Variants in ABI2 observed in about 807,000 individuals in gnomAD.
ABI2 encodes abelson interactor 2.
Under a neutral mutation model 59.2 loss-of-function variants are expected in ABI2, and 25 were observed. The observed-to-expected ratio is 0.42, with a 90% confidence interval of 0.31 to 0.59. The LOEUF is 0.59. Ranked by LOEUF, ABI2 falls within the 20% of genes least tolerant of loss-of-function variation. The pLI is 0.14. For synonymous variants in ABI2, 213 were observed against 235.5 expected (o/e 0.90, Z 0.87); for missense variants, 545 against 681.8 (o/e 0.80, Z 2.23).
At chr2:203,426,361 A>C (rs570035724) in intron 11 of ABI2, among the ~76,000 whole-genome samples, 2 of 152,334 alleles carry the variant, frequency 1.3e-5, no homozygotes, top group African/African-American at 4.8e-5. Flanking sequence ...CAGTATAACT[A>C]AACTGTTGAA....
chr2:203,395,549 T>C, intron 6 of ABI2, 107 bp from the exon 7 acceptor site: 1 of 1,281,808 alleles, frequency 7.8e-7, no homozygotes. Context: ...GGTACGCTTT[T>C]GAATTACCTT....
At chr2:203,400,254 A>AT (rs1364816504) in intron 8 of ABI2, among the ~76,000 whole-genome samples, 9 of 151,608 alleles carry the variant, frequency 5.9e-5, no homozygotes, top group African/African-American at 2.2e-4. Flanking sequence ...CACCCAGCTA[A>AT]TTTTTTGTAT....
intron 9 of ABI2, among the ~76,000 whole-genome samples, chr2:203,406,165 TTAAATG>T (rs1457762313): frequency 1.3e-5 from 2 of 152,188 alleles, no homozygotes; most frequent in South Asian, 2.1e-4. Flanking sequence ...AGTCTCTACT[TTAAATG>T]TAAATATGAA....
At chr2:203,341,454 C>T (rs910947556) in intron 1 of ABI2, among the ~76,000 whole-genome samples, 7 of 152,186 alleles carry the variant, frequency 4.6e-5, no homozygotes, top group African/African-American at 1.7e-4. Flanking sequence ...GTGGCTCACT[C>T]CTATAATCCT....
rs1156536730 is a variant in ABI2, at chr2:203,408,833, C to CTTTT, written c.1193-2439_1193-2436dup. 1.5e-4 allele frequency among the ~76,000 whole-genome samples: 13 copies of CTTTT among 87,214 alleles called. 3 individuals carry two copies. Among genetic ancestry groups the CTTTT allele is most frequent in the Middle Eastern group, 0.014 (1 of 74 alleles). 57.2% of individuals were successfully genotyped at this position (87,214 alleles called of 152,430 possible). On this transcript the variant is annotated intron_variant, in intron 9 of 11. Transcript: ENST00000261018. ...TTTTGTCTATGCTACCTTCTCCTTT[C>CTTTT]TTTTTTTTTTTTTTTTGAGACGGAG...
At chr2:203,391,486 T>A (rs374929024) in intron 5 of ABI2, among the ~76,000 whole-genome samples, 1 of 152,282 alleles carries the variant, frequency 6.6e-6, no homozygotes, top group East Asian at 1.9e-4. Context: ...TTTTAAGCTG[T>A]GTAGATTATA....
chr2:203,398,394 C>A (rs2097092660), intron 8 of ABI2, among the ~76,000 whole-genome samples: 1 of 152,162 alleles, frequency 6.6e-6, no homozygotes, highest in South Asian at 2.1e-4. Context: ...TAACAGGTGC[C>A]TGGCTCAGTG....
chr2:203,412,019 G>A (rs2097697009), intron 10 of ABI2, among the ~76,000 whole-genome samples: 1 of 152,122 alleles, frequency 6.6e-6, no homozygotes, highest in Admixed American at 6.5e-5. Context: ...CTTCTTATGG[G>A]CAGTCTTTGC....
intron 11 of ABI2, among the ~76,000 whole-genome samples, chr2:203,425,892 G>A (rs1438901837): frequency 6.6e-6 from 1 of 151,744 alleles, no homozygotes; most frequent in Non-Finnish European, 1.5e-5. Flanking sequence ...CGTGGTGGTG[G>A]GCGCCTGTAA....
chr2:203,373,802 C>G (rs1419112297), intron 2 of ABI2, among the ~76,000 whole-genome samples: 1 of 152,104 alleles, frequency 6.6e-6, no homozygotes, highest in Non-Finnish European at 1.5e-5. Context: ...TAATTCTTCT[C>G]AAGAGCTAGG....
intron 2 of ABI2, among the ~76,000 whole-genome samples, chr2:203,379,996 A>G (rs2096006819): frequency 1.3e-5 from 2 of 152,340 alleles, no homozygotes; most frequent in East Asian, 1.9e-4. Flanking sequence ...TAAAAATCAG[A>G]TGATGGGCCA....
chr2:203,415,731 C>T (rs1341286085), intron 10 of ABI2, among the ~76,000 whole-genome samples: 1 of 151,680 alleles, frequency 6.6e-6, no homozygotes, highest in African/African-American at 2.4e-5. Context: ...ATACTGGTAC[C>T]TCATAAATAA....
intron 9 of ABI2, among the ~76,000 whole-genome samples, chr2:203,406,289 T>C (rs1421811402): frequency 6.6e-6 from 1 of 152,252 alleles, no homozygotes; most frequent in Non-Finnish European, 1.5e-5. Flanking sequence ...CATGTAAGTA[T>C]TGAAGACTTT....
chr2:203,390,927 A>G (rs890094530), intron 4 of ABI2, 119 bp from the exon 5 acceptor site: 6 of 738,886 alleles, frequency 8.1e-6, no homozygotes, highest in Non-Finnish European at 1.4e-5. Flanking sequence ...CATGGCCTCT[A>G]ATTTTTTTCC....
intron 11 of ABI2, among the ~76,000 whole-genome samples, chr2:203,421,398 C>T (rs1397731297): frequency 6.6e-6 from 1 of 152,168 alleles, no homozygotes; most frequent in Non-Finnish European, 1.5e-5. Flanking sequence ...GATGATGTAT[C>T]ATCAAGGTCT....
chr2:203,339,084 G>A (rs1213354499), intron 1 of ABI2, among the ~76,000 whole-genome samples: 1 of 144,678 alleles, frequency 6.9e-6, no homozygotes, highest in Non-Finnish European at 1.5e-5. Flanking sequence ...TTTTTTCAAA[G>A]AAGACACACA....
At chr2:203,364,084 C>T (rs1456836481) in intron 1 of ABI2, among the ~76,000 whole-genome samples, 1 of 149,920 alleles carries the variant, frequency 6.7e-6, no homozygotes, top group Non-Finnish European at 1.5e-5. Context: ...TTTCTTTGTC[C>T]ATTCATCTTT....
In ABI2 at chr2:203,331,367, T is replaced by TTTTTTTTTG. The variant is rs1198154445; in HGVS notation, c.117+2737_117+2738insTTTTTTTGT. ...TTTAGCCTTTTTTTTTTTTTTTTTT[T>TTTTTTTTTG]TCTGAGACAGAGTCTCACTCTGTCG... On this transcript the variant is annotated intron_variant, in intron 1 of 11. Coordinates refer to ENST00000261018, the MANE Select transcript of ABI2 (RefSeq NM_001375670.1). Among the ~76,000 whole-genome samples the TTTTTTTTTG allele has an allele frequency of 3.4e-5, 5 of 146,288 alleles. 1 individual carries two copies. Among genetic ancestry groups the TTTTTTTTTG allele is most frequent in the African/African-American group, 1.0e-4 (4 of 39,470 alleles).
intron 2 of ABI2, among the ~76,000 whole-genome samples, chr2:203,373,444 G>C (rs1163122822): frequency 6.6e-6 from 1 of 152,112 alleles, no homozygotes; most frequent in African/African-American, 2.4e-5. Context: ...GCATCAGAGG[G>C]AGACCGTGGA....
Sources: gnomAD v4.1 joint callset for allele counts (sites outside exome capture counted in the v4.1 genomes callset) on GRCh38, gnomAD v4.1.1 for gene constraint, MANE v1.5 for transcripts, NCBI Gene and HGNC (gene_info 2026-07-23, HGNC 2026-07-21) for gene names.